The following DCAF13 variants were observed in gnomAD, a reference collection of about 807,000 sequenced individuals.
The protein encoded by DCAF13 is DDB1 and CUL4 associated factor 13.
Under a neutral mutation model 59.0 loss-of-function variants are expected in DCAF13, and 38 were observed. The observed-to-expected ratio is 0.64, with a 90% CI of 0.50 to 0.84. The LOEUF (loss-of-function observed/expected upper bound fraction) is 0.84, where lower values mean the gene tolerates loss of function less well. Among genes scored for constraint, DCAF13 ranks in the 40% least tolerant of loss-of-function variants. The pLI is 0.00. For missense variants in DCAF13, 469 were observed against 558.4 expected (o/e 0.84, Z 1.61); for synonymous variants, 173 against 175.0 (o/e 0.99, Z 0.09).
intron 4 of DCAF13, 24 bp downstream of exon 4, chr8:103,426,169 G>GGCAAGCTATTAGT: frequency 2.9e-6 from 4 of 1,373,790 alleles, no homozygotes; most frequent in Non-Finnish European, 4.1e-6. Flanking sequence ...TTGACTAATA[G>GGCAAGCTATTAGT]CTTGCCTATT....
intron 3 of DCAF13, among the ~76,000 whole-genome samples, chr8:103,422,923 G>C (rs557018503): frequency 1.3e-5 from 2 of 152,006 alleles, no homozygotes; most frequent in Non-Finnish European, 2.9e-5. Flanking sequence ...ATGTGAAAAA[G>C]AAAATAGACT....
intron 7 of DCAF13, among the ~76,000 whole-genome samples, chr8:103,435,083 A>G (rs533136660): frequency 5.3e-5 from 8 of 152,276 alleles, no homozygotes; most frequent in Non-Finnish European, 1.2e-4. Context: ...TTTAATAAGC[A>G]TTATATATAA....
intron 1 of DCAF13, among the ~76,000 whole-genome samples, chr8:103,416,787 TAATA>T (rs1816622836): frequency 2.0e-5 from 3 of 152,240 alleles, no homozygotes; most frequent in Admixed American, 1.3e-4. Flanking sequence ...ATAGTTGCTT[TAATA>T]AATGTCAGTT....
At chr8:103,426,288 C>A in intron 4 of DCAF13, 143 bp downstream of exon 4, 2 of 505,906 alleles carry the variant, frequency 4.0e-6, no homozygotes, top group Admixed American at 3.7e-5. Context: ...CCCATTTACG[C>A]AATATTTAAT....
intron 6 of DCAF13, among the ~76,000 whole-genome samples, chr8:103,431,838 A>G (rs372466428): frequency 2.6e-5 from 4 of 151,886 alleles, no homozygotes; most frequent in South Asian, 2.1e-4. Context: ...CCTGCTTTGC[A>G]CATTCTCAGT....
At position 103,427,201 on chromosome 8, in the gene DCAF13, A is replaced by G. The variant is rs755956803; in HGVS notation, c.573A>G (p.Ser191=). Residue 191 remains serine, a synonymous_variant, in exon 5 of 11, where the codon TCA becomes TCG. Transcript: ENST00000612750. The part of the protein sequence containing the change: ...WDEQRTNPIC[S]MTWGFDSISS... Reference sequence around the variant, plus strand: ...AACAAAGAACTAATCCTATATGTTCAATGACCTGGGGATTTGACAGTATAA... The same window carrying G: ...AACAAAGAACTAATCCTATATGTTCGATGACCTGGGGATTTGACAGTATAA... 1 of 1,613,726 alleles carries G rather than the reference A, an allele frequency of 6.2e-7. No individual in the cohort carries two copies. The highest frequency in any genetic ancestry group is 8.5e-7 in the Non-Finnish European group (1 of 1,179,742).
intron 3 of DCAF13, among the ~76,000 whole-genome samples, chr8:103,423,735 C>T (rs544206966): frequency 2.0e-5 from 3 of 152,252 alleles, no homozygotes; most frequent in East Asian, 1.9e-4. Context: ...TTTATCCATT[C>T]CACAGTGTCT....
At chr8:103,421,319 G>C (rs1335255126) in intron 3 of DCAF13, 1 of 594,672 alleles carries the variant, frequency 1.7e-6, no homozygotes, top group African/African-American at 1.8e-5. Flanking sequence ...ATTAATGAGA[G>C]GTAAGTCTAG....
rs1816882495 is a variant in DCAF13 at position 103,432,672 on chromosome 8, T to A, written c.716T>A (p.Met239Lys). Residue 239 changes from methionine (M) to lysine (K), a missense_variant, in exon 7 of 11, where the codon ATG (methionine) becomes AAG (lysine). By Grantham distance (95) the Met-to-Lys change is moderately conservative (BLOSUM62 -1). Coordinates refer to ENST00000612750, the MANE Select transcript of DCAF13 (RefSeq NM_015420.7). ...TTCCTTTCTCAGGTTATCTTAGATA[T>A]GAGAACAAATACAATCTGTTGGAAC... ...ATPLKKVILDMRTNTICWNPM... is the reference protein window; with the variant it reads ...ATPLKKVILDKRTNTICWNPM... 2 of 1,594,356 alleles carry A rather than the reference T, an allele frequency of 1.3e-6. No homozygotes were observed. The highest frequency in any genetic ancestry group is 3.4e-5 in the Admixed American group (2 of 59,478).
intron 1 of DCAF13, among the ~76,000 whole-genome samples, chr8:103,416,445 C>G (rs1281911113): frequency 1.3e-5 from 2 of 152,236 alleles, no homozygotes; most frequent in Non-Finnish European, 2.9e-5. Context: ...TAGTCAGTCA[C>G]TACGTTTCCC....
At chr8:103,440,093 GTACC>G in intron 8 of DCAF13, 39 bp from the exon 9 acceptor site, 1 of 1,354,526 alleles carries the variant, frequency 7.4e-7, no homozygotes, top group Non-Finnish European at 1.0e-6. Flanking sequence ...CTCAAAATCT[GTACC>G]AAAATCCAAA....
Position 103,427,141 on chromosome 8 carries a change from T to G in DCAF13, c.513T>G (p.Phe171Leu), listed in dbSNP as rs756947557. 1.1e-5 allele frequency: 18 copies of G among 1,613,268 alleles called. No individual in the cohort carries two copies. In the Admixed American group the frequency reaches 2.5e-4, roughly 22 times the overall value. Residue 171 changes from phenylalanine (F) to leucine (L), a missense_variant, in exon 5 of 11, where the codon TTT becomes TTG. Coordinates refer to ENST00000612750, the MANE Select transcript of DCAF13 (RefSeq NM_015420.7). ...ATCATCACTGGAAAGAAGCTGTTTT[T>G]GCCACATGTGGACAGCAAGTAGACA... ...GIDHHWKEAV[F>L]ATCGQQVDIW...
At chr8:103,425,786 A>G (rs1178384156) in intron 3 of DCAF13, among the ~76,000 whole-genome samples, 1 of 152,178 alleles carries the variant, frequency 6.6e-6, no homozygotes, top group Non-Finnish European at 1.5e-5. Context: ...TTGAAATGCC[A>G]TGTTTATCAC....
At position 103,420,965 on chromosome 8, in the gene DCAF13, C is replaced by CT; in HGVS notation, c.271-8dup. Reference sequence around the variant, plus strand: ...AGTTCACTGAAATTTCCTGGTATGCCTTATCATAGGTTAGAATTTGGAATC... The same window carrying CT: ...AGTTCACTGAAATTTCCTGGTATGCCTTTATCATAGGTTAGAATTTGGAATC... On this transcript the variant is annotated splice_polypyrimidine_tract_variant and intron_variant, in intron 2 of 10. Transcript: ENST00000612750. 6.4e-7 allele frequency: 1 copy of CT among 1,555,874 alleles called. No individual in the cohort carries two copies. Among genetic ancestry groups the CT allele is most frequent in the Non-Finnish European group, 8.9e-7 (1 of 1,127,444 alleles).
intron 8 of DCAF13, among the ~76,000 whole-genome samples, chr8:103,437,773 A>G (rs1449072144): frequency 6.6e-6 from 1 of 152,166 alleles, no homozygotes; most frequent in Admixed American, 6.5e-5. Flanking sequence ...AAAATGGCTA[A>G]AGCATATTAT....
At chr8:103,428,794 G>A (rs1482068060) in intron 5 of DCAF13, 2 of 151,924 alleles carry the variant, frequency 1.3e-5, no homozygotes, top group Admixed American at 6.6e-5. Flanking sequence ...CTGCTTTGGT[G>A]AACATCTGTG....
intron 3 of DCAF13, 88 bp downstream of exon 3, chr8:103,421,170 T>C (rs959931104): frequency 1.5e-5 from 14 of 938,536 alleles, no homozygotes; most frequent in Non-Finnish European, 2.1e-5. Context: ...GTTCATTTAT[T>C]TGTTCCTAGG....
rs779761648 is a variant in DCAF13 at position 103,415,468 on chromosome 8, C to A, written c.22C>A (p.Arg8=). The A allele has an allele frequency of 2.5e-6, 4 of 1,613,704 alleles. No homozygotes were observed. Among genetic ancestry groups the A allele is most frequent in the Non-Finnish European group, 2.5e-6 (3 of 1,179,768 alleles). Residue 8 remains arginine, a synonymous_variant, in exon 1 of 11, where the codon CGG becomes AGG. Coordinates refer to ENST00000612750, the MANE Select transcript of DCAF13 (RefSeq NM_015420.7). The part of the protein sequence containing the change: MKVKMLS[R]NPDNYVRETK... ...CGAGATGAAGGTGAAGATGCTGAGC[C>A]GGAATCCGGACAATTATGTCCGCGA...
At position 103,419,957 on chromosome 8, in the gene DCAF13, C is replaced by T. The variant is rs138283561; in HGVS notation, c.71-307C>T. ...CTGAGAAGCGGAGGTTGCAGTGAGC[C>T]GAGATTGCGCCACTGCACTCCAGCC... is the stretch of plus-strand genomic sequence containing the variant. On this transcript the variant is annotated intron_variant, in intron 1 of 10. Coordinates refer to ENST00000612750, the MANE Select transcript of DCAF13 (RefSeq NM_015420.7). 5.2e-3 allele frequency among the ~76,000 whole-genome samples: 778 copies of T among 148,478 alleles called. 6 individuals are homozygous for T. The highest frequency in any genetic ancestry group is 0.011 in the Middle Eastern group (3 of 280).
Sources: gnomAD v4.1 joint callset for allele counts (sites outside exome capture counted in the v4.1 genomes callset) on GRCh38, gnomAD v4.1.1 for gene constraint, MANE v1.5 for transcripts, NCBI Gene and HGNC (gene_info 2026-07-23, HGNC 2026-07-21) for gene names.